The following PPM1E variants were observed in gnomAD, a reference collection of about 807,000 sequenced individuals.
PPM1E encodes the protein protein phosphatase, Mg2+/Mn2+ dependent 1E.
Under a neutral mutation model 65.9 loss-of-function variants are expected in PPM1E, and 20 were observed. The ratio of observed to expected loss-of-function variants is 0.30; its 90% CI spans 0.21 to 0.44. The LOEUF is 0.44. Among genes scored for constraint, PPM1E ranks in the 20% least tolerant of loss-of-function variants. The probability of loss-of-function intolerance (pLI) is 1.00; values close to 1 mark genes in which losing one functional copy is unlikely to be tolerated. For synonymous variants in PPM1E, 352 were observed against 374.9 expected (o/e 0.94, Z 0.70); for missense variants, 713 against 953.1 (o/e 0.75, Z 3.32).
At chr17:58,925,556 T>A (rs1391837955) in intron 1 of PPM1E, among the ~76,000 whole-genome samples, 1 of 152,102 alleles carries the variant, frequency 6.6e-6, no homozygotes. Flanking sequence ...TTCTCCTGCC[T>A]CAGCCTCCCG....
At chr17:58,969,133 T>A (rs2030436216) in intron 3 of PPM1E, among the ~76,000 whole-genome samples, 1 of 152,244 alleles carries the variant, frequency 6.6e-6, no homozygotes, top group African/African-American at 2.4e-5. Flanking sequence ...ATTAAAGTAC[T>A]TTCATTTTGA....
intron 1 of PPM1E, among the ~76,000 whole-genome samples, chr17:58,896,865 G>C (rs2051424634): frequency 6.6e-6 from 1 of 152,146 alleles, no homozygotes. Flanking sequence ...TCAATGCTTG[G>C]CTTCAAAGCT....
At chr17:58,844,998 C>T (rs2050756915) in intron 1 of PPM1E, among the ~76,000 whole-genome samples, 1 of 152,188 alleles carries the variant, frequency 6.6e-6, no homozygotes, top group South Asian at 2.1e-4. Flanking sequence ...ACTGGCTTCT[C>T]ATATATATTG....
chr17:58,807,426 A>G (rs1248010771), intron 1 of PPM1E, among the ~76,000 whole-genome samples: 2 of 152,086 alleles, frequency 1.3e-5, no homozygotes, highest in African/African-American at 4.8e-5. Flanking sequence ...ATACTTAAGT[A>G]GCAGTTAGTA....
intron 1 of PPM1E, among the ~76,000 whole-genome samples, chr17:58,837,489 A>C (rs2050674427): frequency 6.7e-6 from 1 of 149,044 alleles, no homozygotes; most frequent in South Asian, 2.1e-4. Flanking sequence ...ATTCTATTAA[A>C]ATCATGAGGC....
intron 1 of PPM1E, among the ~76,000 whole-genome samples, chr17:58,917,520 GA>G (rs2051698153): frequency 1.3e-5 from 2 of 152,278 alleles, no homozygotes; most frequent in South Asian, 2.1e-4. Context: ...ACATCTTTCT[GA>G]AAACTATTTG....
chr17:58,983,093 CTCAGTGGGG>C lies in PPM1E; in HGVS notation c.*2063_*2071del. 1 of 575,650 alleles carries C rather than the reference CTCAGTGGGG, an allele frequency of 1.7e-6. No homozygotes were observed. The highest frequency in any genetic ancestry group is 3.0e-6 in the Non-Finnish European group (1 of 335,140). The allele number at this position is 575,650 out of a possible 1,614,324, so 35.7% of individuals were successfully genotyped here. A position where few individuals can be genotyped will look rare whatever the true frequency, so the allele number is the denominator to read the frequency against. ...AAAGTTACTACACATGCTAGGCTTT[CTCAGTGGGG>C]AAAAAAATGGCTGGATAGAACTGGG... On this transcript the variant is annotated 3_prime_UTR_variant, in exon 7 of 7. Coordinates refer to ENST00000308249, the MANE Select transcript of PPM1E (RefSeq NM_014906.5).
At position 58,755,919 on chromosome 17, in the gene PPM1E, C is replaced by G. The variant is rs1598549942; in HGVS notation, c.-79C>G. ...GCCGTTAACCGCCCTTGCCGGAGCC[C>G]TAGGCTCAAAAGCAGCCCCTTACCC... is the stretch of plus-strand genomic sequence containing the variant. On this transcript the variant is annotated 5_prime_UTR_variant, in exon 1 of 7. Transcript: ENST00000308249. 6.3e-7 allele frequency: 1 copy of G among 1,584,694 alleles called. No homozygotes were observed. The highest frequency in any genetic ancestry group is 2.2e-5 in the East Asian group (1 of 44,466).
At chr17:58,915,365 CA>C (rs2051672661) in intron 1 of PPM1E, among the ~76,000 whole-genome samples, 1 of 152,118 alleles carries the variant, frequency 6.6e-6, no homozygotes, top group South Asian at 2.1e-4. Flanking sequence ...TGAGGATGAC[CA>C]GAGGTCGCTC....
At chr17:58,956,215 C>T (rs1742443243) in intron 2 of PPM1E, among the ~76,000 whole-genome samples, 1 of 152,098 alleles carries the variant, frequency 6.6e-6, no homozygotes, top group Non-Finnish European at 1.5e-5. Flanking sequence ...GGGCAGATCA[C>T]CTGAGGTCAG....
chr17:58,968,826 GCAGTTTA>G (rs1258353903), intron 3 of PPM1E, among the ~76,000 whole-genome samples: 5 of 152,172 alleles, frequency 3.3e-5, no homozygotes, highest in African/African-American at 4.8e-5. Context: ...TCCTCCTCTG[GCAGTTTA>G]CTTTGCAAGG....
chr17:58,905,375 T>G (rs1413183146), intron 1 of PPM1E, among the ~76,000 whole-genome samples: 1 of 152,190 alleles, frequency 6.6e-6, no homozygotes, highest in Non-Finnish European at 1.5e-5. Flanking sequence ...GTTAAAGAAG[T>G]TGCCCTCTAT....
At chr17:58,827,650 C>T (rs1168691383) in intron 1 of PPM1E, among the ~76,000 whole-genome samples, 1 of 151,792 alleles carries the variant, frequency 6.6e-6, no homozygotes, top group Non-Finnish European at 1.5e-5. Flanking sequence ...TGCCTGTAAT[C>T]CCAGCACTTT....
intron 1 of PPM1E, among the ~76,000 whole-genome samples, chr17:58,778,964 A>G (rs2050025209): frequency 7.5e-6 from 1 of 133,834 alleles, no homozygotes; most frequent in African/African-American, 2.8e-5. Flanking sequence ...ATATATATGT[A>G]GTATTGTGCC....
At chr17:58,969,810 T>C in intron 4 of PPM1E, 83 bp downstream of exon 4, 5 of 1,323,776 alleles carry the variant, frequency 3.8e-6, no homozygotes, top group Non-Finnish European at 5.2e-6. Flanking sequence ...GCTATTTAGA[T>C]TTTCTCTTTC....
At chr17:58,862,919 T>G (rs2050958257) in intron 1 of PPM1E, among the ~76,000 whole-genome samples, 1 of 152,208 alleles carries the variant, frequency 6.6e-6, no homozygotes, top group Admixed American at 6.5e-5. Context: ...GAGCTTTATG[T>G]TGAGCTAATT....
intron 1 of PPM1E, among the ~76,000 whole-genome samples, chr17:58,837,009 A>G (rs1175875414): frequency 7.0e-6 from 1 of 141,932 alleles, no homozygotes; most frequent in African/African-American, 2.6e-5. Flanking sequence ...GACAGAGCGA[A>G]ACTCCGTCTC....
chr17:58,813,755 A>G (rs1171649420), intron 1 of PPM1E, among the ~76,000 whole-genome samples: 1 of 152,250 alleles, frequency 6.6e-6, no homozygotes, highest in African/African-American at 2.4e-5. Context: ...GTAGAAATTG[A>G]AAATTCTGTC....
At chr17:58,967,803 CTT>C (rs1164198879) in intron 3 of PPM1E, among the ~76,000 whole-genome samples, 12 of 137,990 alleles carry the variant, frequency 8.7e-5, no homozygotes, top group Admixed American at 2.2e-4. Context: ...TTCTTTATTT[CTT>C]TTTTTTTTTT....
Sources: allele counts gnomAD v4.1 joint callset (sites outside exome capture counted in the v4.1 genomes callset), GRCh38; gene constraint gnomAD v4.1.1; transcripts MANE v1.5; gene names NCBI Gene and HGNC (gene_info 2026-07-23, HGNC 2026-07-21).